Variants in CHST15 observed in about 807,000 individuals in gnomAD.
CHST15 encodes the protein B cell RAG associated protein (GALNAC4S-6ST).
A neutral mutation model predicts 53.6 loss-of-function variants in CHST15; 30 were observed. The observed-to-expected ratio is 0.56, with a 90% CI of 0.42 to 0.76. The LOEUF is 0.76. Ranked by LOEUF, CHST15 falls within the 30% of genes least tolerant of loss-of-function variation. CHST15 has a pLI of 0.00. For missense variants in CHST15, 627 were observed against 740.5 expected (o/e 0.85, Z 1.78); for synonymous variants, 296 against 289.8 (o/e 1.02, Z -0.22).
intron 1 of CHST15, among the ~76,000 whole-genome samples, chr10:124,067,262 C>T (rs758326636): frequency 2.6e-5 from 4 of 152,268 alleles, no homozygotes; most frequent in Non-Finnish European, 4.4e-5. Context: ...ATCACATTCA[C>T]ATCATTCGTG....
chr10:124,072,258 C>T (rs960403586), intron 1 of CHST15, among the ~76,000 whole-genome samples: 9 of 152,216 alleles, frequency 5.9e-5, no homozygotes, highest in Non-Finnish European at 8.8e-5. Context: ...GGGCAGGACA[C>T]ACACCCCAGC....
At chr10:124,039,323 G>A (rs1290962734) in intron 4 of CHST15, among the ~76,000 whole-genome samples, 2 of 152,280 alleles carry the variant, frequency 1.3e-5, no homozygotes, top group Admixed American at 1.3e-4. Flanking sequence ...GCCGAGAACT[G>A]GTCTAGCAGA....
At chr10:124,080,942 TAAC>T (rs1431263473) in intron 1 of CHST15, among the ~76,000 whole-genome samples, 2 of 152,218 alleles carry the variant, frequency 1.3e-5, no homozygotes, top group Admixed American at 1.3e-4. Flanking sequence ...AAGGAACAGA[TAAC>T]CTTCCAGTGG....
At position 124,046,077 on chromosome 10, in the gene CHST15, G is replaced by A. The variant is rs201537622; in HGVS notation, c.136C>T (p.Arg46Cys). The change falls in exon 2 of 8, where the codon CGT becomes TGT. Residue 46 changes from arginine to cysteine, a missense_variant. Transcript: ENST00000435907. The stretch of plus-strand genomic sequence containing the variant: ...AAGTTCATCTGCTTACTGTCCACAC[G>A]AAACAGAATTTTGTTTTCTCCTTTG... ...TCKGENKILFRVDSKQMNLLA... is the reference protein window; with the variant it reads ...TCKGENKILFCVDSKQMNLLA... The A allele has an allele frequency of 3.6e-5, 58 of 1,614,254 alleles. No individual in the cohort carries two copies. Among genetic ancestry groups the A allele is most frequent in the Admixed American group, 1.2e-4 (7 of 60,034 alleles).
At chr10:124,056,738 T>C (rs932108239) in intron 1 of CHST15, among the ~76,000 whole-genome samples, 1 of 152,236 alleles carries the variant, frequency 6.6e-6, no homozygotes, top group African/African-American at 2.4e-5. Context: ...GCCTGGGCTG[T>C]GTGCAGTTGG....
At chr10:124,035,277 G>T (rs535393924) in intron 5 of CHST15, among the ~76,000 whole-genome samples, 3 of 136,466 alleles carry the variant, frequency 2.2e-5, no homozygotes, top group South Asian at 5.2e-4. Flanking sequence ...CCCTAACAGG[G>T]ACCCTGGCTC....
chr10:124,013,259 G>A (rs1197678434), intron 6 of CHST15, among the ~76,000 whole-genome samples: 1 of 152,176 alleles, frequency 6.6e-6, no homozygotes. Context: ...GGGGCCTTGG[G>A]CCACATGGTA....
chr10:124,017,554 C>A (rs1346746351), intron 6 of CHST15, among the ~76,000 whole-genome samples: 1 of 152,222 alleles, frequency 6.6e-6, no homozygotes, highest in Admixed American at 6.5e-5. Flanking sequence ...ATTCCAAGCA[C>A]ACAACTGGTC....
intron 1 of CHST15, among the ~76,000 whole-genome samples, chr10:124,056,056 T>C (rs1948370713): frequency 6.6e-6 from 1 of 152,066 alleles, no homozygotes; most frequent in African/African-American, 2.4e-5. Flanking sequence ...GGTCTGTACT[T>C]CCCCAAGGAC....
In CHST15 at chr10:124,042,373, C is replaced by T. The variant is rs368746217; in HGVS notation, c.961G>A (p.Ala321Thr). 24 of 1,614,150 alleles carry T rather than the reference C, an allele frequency of 1.5e-5. No individual in the cohort carries two copies. The highest frequency in any genetic ancestry group is 1.6e-5 in the Non-Finnish European group (19 of 1,180,000). Residue 321 changes from alanine to threonine, a missense_variant, in exon 4 of 8, where the codon GCA (alanine) becomes ACA (threonine). Transcript: ENST00000435907. The part of the protein sequence containing the change: ...EDYLDLFDLA[A>T]HQIHQGLQAS... ...TGCAGTCCTTGATGGATCTGGTGTG[C>T]GGCCAGGTCAAAGAGGTCCAGATAA...
At chr10:124,055,778 A>C (rs890897579) in intron 1 of CHST15, among the ~76,000 whole-genome samples, 1 of 152,178 alleles carries the variant, frequency 6.6e-6, no homozygotes, top group African/African-American at 2.4e-5. Context: ...ACTTTCCAGA[A>C]ACGCACCCAT....
chr10:124,065,601 G>A (rs922544590), intron 1 of CHST15, among the ~76,000 whole-genome samples: 3 of 151,556 alleles, frequency 2.0e-5, no homozygotes, highest in Non-Finnish European at 4.4e-5. Context: ...CCCCTCCCCC[G>A]CCAGTCCTGC....
At chr10:124,010,573 C>T (rs1261365085) in intron 7 of CHST15, 2 of 985,308 alleles carry the variant, frequency 2.0e-6, no homozygotes, top group African/African-American at 1.7e-5. Context: ...TGCCCACCCT[C>T]GGGGGAGCCC....
Position 124,036,015 on chromosome 10 carries a change from T to G in CHST15, c.1190+2500A>C, listed in dbSNP as rs1449899866. Among the ~76,000 whole-genome samples the G allele has an allele frequency of 1.3e-5, 2 of 152,228 alleles. No homozygotes were observed. Among genetic ancestry groups the G allele is most frequent in the African/African-American group, 4.8e-5 (2 of 41,458 alleles). On this transcript the variant is annotated intron_variant, in intron 5 of 7. Coordinates refer to ENST00000435907, the MANE Select transcript of CHST15 (RefSeq NM_001270764.2). This position sits in a 1 kb window ranked among gnomAD's most constrained non-coding sequence, Gnocchi z 5.1. Reference sequence around the variant, plus strand: ...CCAGACAGTACACAAGGCTGCTGTGTGCACTCTCGGCCCCTGAGGTTAAGG... The same window carrying G: ...CCAGACAGTACACAAGGCTGCTGTGGGCACTCTCGGCCCCTGAGGTTAAGG...
At chr10:124,076,463 T>C (rs1231730940) in intron 1 of CHST15, among the ~76,000 whole-genome samples, 1 of 152,210 alleles carries the variant, frequency 6.6e-6, no homozygotes, top group African/African-American at 2.4e-5. Flanking sequence ...CCTAAGCGTG[T>C]GCTTAGGTCA....
intron 1 of CHST15, among the ~76,000 whole-genome samples, chr10:124,091,512 G>A (rs147083740): frequency 1.6e-3 from 241 of 152,262 alleles, no homozygotes; most frequent in African/African-American, 5.1e-3. Flanking sequence ...CTAACCCACC[G>A]AGGCATCCCA....
chr10:124,038,952 G>A (rs1052072354), intron 4 of CHST15, among the ~76,000 whole-genome samples: 2 of 151,918 alleles, frequency 1.3e-5, no homozygotes, highest in African/African-American at 4.8e-5. Flanking sequence ...CTCTTTCCAA[G>A]GGGAGCAAAA....
chr10:124,061,075 G>A (rs1948556669), intron 1 of CHST15, among the ~76,000 whole-genome samples: 1 of 152,178 alleles, frequency 6.6e-6, no homozygotes, highest in African/African-American at 2.4e-5. Flanking sequence ...GGGTGACGTG[G>A]CTTGCCCTAA....
At position 124,074,604 on chromosome 10, in the gene CHST15, C is replaced by T. The variant is rs370236541; in HGVS notation, c.-513+18865G>A. On this transcript the variant is annotated intron_variant, in intron 1 of 7. Transcript: ENST00000435907. The surrounding 1 kb of genome is among the most constrained non-coding windows in gnomAD (Gnocchi z 4.4). Reference sequence around the variant, plus strand: ...CTGCAGTCTCTGCCTCCTCTCCCTCCGCGCAGCTTCCTCCATTATGACCTG... The same window carrying T: ...CTGCAGTCTCTGCCTCCTCTCCCTCTGCGCAGCTTCCTCCATTATGACCTG... Among the ~76,000 whole-genome samples the T allele has an allele frequency of 6.6e-6, 1 of 152,200 alleles. No individual in the cohort carries two copies.
Sources: allele counts gnomAD v4.1 joint callset (sites outside exome capture counted in the v4.1 genomes callset), GRCh38; gene constraint gnomAD v4.1.1; non-coding constraint Gnocchi (gnomAD v3.1); transcripts MANE v1.5; gene names NCBI Gene and HGNC (gene_info 2026-07-23, HGNC 2026-07-21).